CELF5: variants seen among roughly 807,000 people sequenced by gnomAD.
CELF5 encodes the protein CUGBP Elav-like family member 5.
In CELF5, 6 loss-of-function variants were observed where a neutral mutation model predicts 54.9. The observed-to-expected ratio is 0.11, with a 90% CI of 0.06 to 0.22. The LOEUF (loss-of-function observed/expected upper bound fraction) is 0.22. Among genes scored for constraint, CELF5 ranks in the 10% least tolerant of loss-of-function variants. CELF5 has a pLI of 1.00. For missense variants in CELF5, 401 were observed against 678.6 expected, an observed-to-expected ratio of 0.59 and a Z score of 4.54; for synonymous variants, 271 against 290.9, an observed-to-expected ratio of 0.93 and a Z score of 0.70.
intron 1 of CELF5, among the ~76,000 whole-genome samples, chr19:3,233,213 G>A (rs1334042864): frequency 3.3e-5 from 5 of 152,178 alleles, no homozygotes; most frequent in African/African-American, 1.2e-4. Context: ...CTTGAGCCTG[G>A]GGAGGTGGAG....
chr19:3,256,928 C>T (rs535750864), intron 2 of CELF5, among the ~76,000 whole-genome samples: 60 of 152,148 alleles, frequency 3.9e-4, no homozygotes, highest in South Asian at 6.2e-4. Flanking sequence ...TGCAGTGGCA[C>T]AATCATAGCT....
intron 1 of CELF5, among the ~76,000 whole-genome samples, chr19:3,227,959 TGG>T (rs758822900): frequency 3.3e-5 from 5 of 151,008 alleles, no homozygotes; most frequent in Non-Finnish European, 5.9e-5. Context: ...GAAGGTGGCG[TGG>T]GGGCAGCCAG....
At chr19:3,276,882 G>T (rs2080064781) in intron 4 of CELF5, among the ~76,000 whole-genome samples, 4 of 148,320 alleles carry the variant, frequency 2.7e-5, no homozygotes, top group Admixed American at 2.7e-4. Context: ...CGGGGTCTGG[G>T]GAGGGGCGGG....
rs987494613 is a variant in CELF5, at chr19:3,228,476, C to A, written c.259+3478C>A. Among the ~76,000 whole-genome samples the A allele has an allele frequency of 6.6e-6, 1 of 152,228 alleles. No homozygotes were observed. The highest frequency in any genetic ancestry group is 1.5e-5 in the Non-Finnish European group (1 of 68,030). ...GGATGGTGGCTGCCTGGGTGCCCACCCTGCCAGGGGAAGGTGCCCACGGTG... is the reference window on the plus strand; with the variant it reads ...GGATGGTGGCTGCCTGGGTGCCCACACTGCCAGGGGAAGGTGCCCACGGTG... On this transcript the variant is annotated intron_variant, in intron 1 of 12. Coordinates refer to ENST00000292672, the MANE Select transcript of CELF5 (RefSeq NM_021938.4). The surrounding 1 kb of genome is among the most constrained non-coding windows in gnomAD (Gnocchi z 6.0).
chr19:3,285,190 C>T (rs908818625), intron 9 of CELF5, among the ~76,000 whole-genome samples: 1 of 152,080 alleles, frequency 6.6e-6, no homozygotes, highest in Non-Finnish European at 1.5e-5. Flanking sequence ...AGGACCTTCC[C>T]TTGTCCTTTA....
chr19:3,293,157 C>T (rs1049713273), intron 11 of CELF5, among the ~76,000 whole-genome samples, 162 bp from the exon 12 acceptor site: 1 of 152,156 alleles, frequency 6.6e-6, no homozygotes, highest in African/African-American at 2.4e-5. Flanking sequence ...CAGAACAAAG[C>T]CAGGGCTGCT....
intron 1 of CELF5, among the ~76,000 whole-genome samples, chr19:3,229,097 C>G (rs531697593): frequency 7.6e-6 from 1 of 131,576 alleles, no homozygotes; most frequent in Non-Finnish European, 1.6e-5. Context: ...TCCCTCCCCC[C>G]GCCCCCCGCT....
chr19:3,242,532 C>T (rs1470431950), intron 1 of CELF5, among the ~76,000 whole-genome samples: 6 of 151,646 alleles, frequency 4.0e-5, no homozygotes, highest in African/African-American at 1.2e-4. Context: ...AATGGCCGGG[C>T]GCAGTGACTC....
Position 3,278,258 on chromosome 19 carries a change from A to T in CELF5, c.603+148A>T. 1.6e-6 allele frequency: 1 copy of T among 644,960 alleles called. No individual in the cohort carries two copies. Among genetic ancestry groups the T allele is most frequent in the Non-Finnish European group, 2.7e-6 (1 of 366,396 alleles). 40.0% of individuals were successfully genotyped at this position (644,960 alleles called of 1,614,324 possible). A position where few individuals can be genotyped will look rare whatever the true frequency, so the allele number is the denominator to read the frequency against. ...GGGGCACAGGTGGAGAAAGAGGCGC[A>T]GTCCCTGGCTGTGGTCCCTGGAGTG... On this transcript the variant is annotated intron_variant, in intron 5 of 12. Transcript: ENST00000292672. This position sits in a 1 kb window ranked among gnomAD's most constrained non-coding sequence, Gnocchi z 4.5.
intron 1 of CELF5, among the ~76,000 whole-genome samples, chr19:3,244,273 AGTGT>A (rs1008907003): frequency 4.6e-5 from 7 of 151,094 alleles, no homozygotes; most frequent in Non-Finnish European, 5.9e-5. Flanking sequence ...TGTGCGTGCG[AGTGT>A]GTGTGTGTAT....
chr19:3,284,303 C>A (rs1313784332), intron 8 of CELF5, among the ~76,000 whole-genome samples: 1 of 152,098 alleles, frequency 6.6e-6, no homozygotes, highest in Non-Finnish European at 1.5e-5. Flanking sequence ...TTCCTGCCAC[C>A]CCTTTGAAGT....
intron 2 of CELF5, among the ~76,000 whole-genome samples, chr19:3,269,826 G>C (rs374356610): frequency 6.6e-6 from 1 of 152,022 alleles, no homozygotes. Context: ...CAGTGGAAGC[G>C]ATCATAGCTC....
intron 2 of CELF5, among the ~76,000 whole-genome samples, chr19:3,265,384 G>T (rs895236405): frequency 3.3e-5 from 5 of 152,178 alleles, no homozygotes; most frequent in Non-Finnish European, 7.3e-5. Context: ...AGCTTTTATT[G>T]CAACAGCAGT....
At chr19:3,273,108 T>C (rs933379543) in intron 2 of CELF5, among the ~76,000 whole-genome samples, 1 of 152,178 alleles carries the variant, frequency 6.6e-6, no homozygotes, top group East Asian at 1.9e-4. Flanking sequence ...TCCTGGGAGA[T>C]GTGGCTAAAT....
chr19:3,284,951 C>T lies in CELF5; in HGVS notation c.1089C>T (p.Val363=). 1 of 1,612,174 alleles carries T rather than the reference C, an allele frequency of 6.2e-7. No individual in the cohort carries two copies. ...CACTGCATCCTGCCTTCTCCGGAGT[C>T]CAGCAGTACACAGGTAGGAGGCAGC... ...AETLHPAFSG[V]QQYTAMYPTA... Residue 363 remains valine, a synonymous_variant, in exon 9 of 13, where the codon GTC becomes GTT. Coordinates refer to ENST00000292672, the MANE Select transcript of CELF5 (RefSeq NM_021938.4).
intron 1 of CELF5, among the ~76,000 whole-genome samples, chr19:3,231,087 A>G (rs1406255756): frequency 6.6e-6 from 1 of 152,222 alleles, no homozygotes; most frequent in Non-Finnish European, 1.5e-5. Context: ...TAAGATGATC[A>G]GGGCCAAAGG....
intron 2 of CELF5, among the ~76,000 whole-genome samples, chr19:3,269,953 C>CATTAAGTTG (rs1224355076): frequency 6.6e-6 from 1 of 152,196 alleles, no homozygotes; most frequent in African/African-American, 2.4e-5. Flanking sequence ...GTTTTCATCT[C>CATTAAGTTG]ATTAAGTTGT....
intron 2 of CELF5, among the ~76,000 whole-genome samples, chr19:3,251,825 C>G (rs1490228933): frequency 6.6e-6 from 1 of 151,940 alleles, no homozygotes; most frequent in African/African-American, 2.4e-5. Flanking sequence ...CAGGCGTGCA[C>G]CACCATGCCT....
intron 10 of CELF5, among the ~76,000 whole-genome samples, chr19:3,289,264 A>AT (rs1038793486): frequency 1.3e-5 from 2 of 151,640 alleles, no homozygotes; most frequent in East Asian, 1.9e-4. Context: ...AATAAAAAAA[A>AT]TTTTTTTTTG....
Sources: allele counts gnomAD v4.1 joint callset (sites outside exome capture counted in the v4.1 genomes callset), GRCh38; gene constraint gnomAD v4.1.1; non-coding constraint Gnocchi (gnomAD v3.1); transcripts MANE v1.5; gene names NCBI Gene and HGNC (gene_info 2026-07-23, HGNC 2026-07-21).